Variants in CCL17 observed in about 807,000 individuals in gnomAD.
CCL17 encodes C-C motif chemokine ligand 17.
In CCL17, 8 loss-of-function variants were observed where a neutral mutation model predicts 7.4. The ratio of observed to expected loss-of-function variants is 1.09; its 90% confidence interval spans 0.64 to 1.96. The LOEUF (loss-of-function observed/expected upper bound fraction) is 1.96, where lower values mean the gene tolerates loss of function less well. Among genes scored for constraint, CCL17 ranks in the 30% most tolerant of loss-of-function variants. The probability of loss-of-function intolerance (pLI) is 0.00; values close to 1 mark genes in which losing one functional copy is unlikely to be tolerated. For synonymous variants in CCL17, 40 were observed against 46.1 expected (o/e 0.87, Z 0.54); for missense variants, 102 against 113.0 (o/e 0.90, Z 0.44).
upstream of CCL17, among the ~76,000 whole-genome samples, chr16:57,402,311 T>C (rs1169714937): frequency 6.6e-6 from 1 of 152,178 alleles, no homozygotes; most frequent in Non-Finnish European, 1.5e-5. Flanking sequence ...TTGCAGTGGC[T>C]GAGATTCCCA....
At chr16:57,407,222 G>C (rs1396660053) in intron 1 of CCL17, among the ~76,000 whole-genome samples, 1 of 152,166 alleles carries the variant, frequency 6.6e-6, no homozygotes, top group African/African-American at 2.4e-5. Context: ...TAAAGAGCTA[G>C]AAGATGGCAG....
rs759081657 is a variant in CCL17, at chr16:57,413,977, G to T, written c.45G>T (p.Gly15=). The T allele has an allele frequency of 1.2e-6, 2 of 1,611,710 alleles. No homozygotes were observed. Among genetic ancestry groups the T allele is most frequent in the South Asian group, 1.1e-5 (1 of 90,356 alleles). Residue 15 remains glycine, a synonymous_variant, in exon 2 of 4, where the codon GGG becomes GGT. Transcript: ENST00000219244. ...KMLALVTLLL[G]ASLQHIHAAR... is the part of the protein sequence containing the mutation. Reference sequence around the variant, plus strand: ...TGGCCCTGGTCACCCTCCTCCTGGGGGCTTCTCTGCAGCACATCCACGCAG... The same window carrying T: ...TGGCCCTGGTCACCCTCCTCCTGGGTGCTTCTCTGCAGCACATCCACGCAG...
upstream of CCL17, among the ~76,000 whole-genome samples, chr16:57,403,667 T>C (rs1356676074): frequency 1.7e-4 from 15 of 88,410 alleles, no homozygotes; most frequent in Admixed American, 2.4e-3. Context: ...TATATATATA[T>C]ATTTTTTGAG....
the CCL17 span, among the ~76,000 whole-genome samples, chr16:57,396,805 A>G: frequency 6.6e-6 from 1 of 152,208 alleles, no homozygotes; most frequent in South Asian, 2.1e-4. Context: ...TAGGTGCCCC[A>G]GGGGCAGTCC....
chr16:57,408,330 A>T (rs1902730419), intron 1 of CCL17, among the ~76,000 whole-genome samples: 1 of 151,938 alleles, frequency 6.6e-6, no homozygotes, highest in Admixed American at 6.6e-5. Flanking sequence ...CCATCCATTC[A>T]CTCATTTACC....
chr16:57,406,465 T>G (rs1446305183), intron 1 of CCL17, among the ~76,000 whole-genome samples: 1 of 152,276 alleles, frequency 6.6e-6, no homozygotes, highest in African/African-American at 2.4e-5. Flanking sequence ...CTGTAGAAAC[T>G]AATAGTTCTT....
chr16:57,404,392 A>T (rs1403595841), upstream of CCL17, among the ~76,000 whole-genome samples: 1 of 152,114 alleles, frequency 6.6e-6, no homozygotes, highest in African/African-American at 2.4e-5. Context: ...ACATGAGCTC[A>T]CCCAACAGAT....
At position 57,415,909 on chromosome 16, in the gene CCL17, C is replaced by CAGTAGTTGGT. The variant is rs1902862966; in HGVS notation, c.*48_*49insAGTAGTTGGT. ...GACTGTCTCCCGGGACTACCTGGGA[C>CAGTAGTTGGT]CTCCACCGTTGGTGTTCACCGCCCC... On this transcript the variant is annotated 3_prime_UTR_variant, in exon 4 of 4. Transcript: ENST00000219244. The surrounding 1 kb of genome is among the most constrained non-coding windows in gnomAD (Gnocchi z 4.5). 7.9e-7 allele frequency: 1 copy of CAGTAGTTGGT among 1,269,810 alleles called. No individual in the cohort carries two copies. Among genetic ancestry groups the CAGTAGTTGGT allele is most frequent in the Non-Finnish European group, 1.2e-6 (1 of 867,530 alleles). 78.7% of individuals were successfully genotyped at this position (1,269,810 alleles called of 1,614,324 possible).
upstream of CCL17, among the ~76,000 whole-genome samples, chr16:57,403,529 ATATATATTATAAAT>A (rs1902641593): frequency 2.4e-4 from 7 of 28,754 alleles, 1 homozygote; most frequent in African/African-American, 2.1e-3. Context: ...TATATATGTT[ATATATATTATAAAT>A]ATATATTTTA....
chr16:57,403,551 TTA>T (rs1201360923), upstream of CCL17, among the ~76,000 whole-genome samples: 1,343 of 31,802 alleles, frequency 0.042, 119 homozygotes, highest in African/African-American at 0.1. Context: ...AATATATATT[TTA>T]TATATATATA....
At chr16:57,414,139 C>A in intron 2 of CCL17, 137 bp downstream of exon 2, 2 of 589,514 alleles carry the variant, frequency 3.4e-6, no homozygotes, top group Non-Finnish European at 2.9e-6. Flanking sequence ...GAGAAGCCCA[C>A]AGCACTAGGA....
chr16:57,399,962 G>C (rs1036933037), upstream of CCL17, among the ~76,000 whole-genome samples: 2 of 152,152 alleles, frequency 1.3e-5, no homozygotes, highest in Non-Finnish European at 2.9e-5. Flanking sequence ...GACTTTAATC[G>C]AGTGCTGCAA....
chr16:57,401,559 G>C (rs185998548), upstream of CCL17, among the ~76,000 whole-genome samples: 252 of 151,808 alleles, frequency 1.7e-3, 1 homozygote, highest in African/African-American at 4.8e-3. Context: ...AAATGTGCAT[G>C]AACAATGCTA....
At chr16:57,414,793 C>G (rs2146542387) in intron 2 of CCL17, among the ~76,000 whole-genome samples, 1 of 152,190 alleles carries the variant, frequency 6.6e-6, no homozygotes, top group Admixed American at 6.5e-5. Flanking sequence ...CACAGAGACA[C>G]ACACGTAGGC....
intron 1 of CCL17, among the ~76,000 whole-genome samples, chr16:57,409,926 T>C (rs1902757086): frequency 6.6e-6 from 1 of 152,106 alleles, no homozygotes. Flanking sequence ...GTTTCAGCTG[T>C]CAGCGATGGA....
At chr16:57,412,314 C>A (rs1423768) in intron 1 of CCL17, among the ~76,000 whole-genome samples, 2 of 152,118 alleles carry the variant, frequency 1.3e-5, no homozygotes. Flanking sequence ...GCAGCCCTTG[C>A]TGAGGGGTGG....
rs778637241 is a variant in CCL17 at position 57,415,066 on chromosome 16, C to T, written c.71-15C>T. 2.9e-5 allele frequency: 45 copies of T among 1,575,504 alleles called. No individual in the cohort carries two copies. Among genetic ancestry groups the T allele is most frequent in the Admixed American group, 1.0e-4 (6 of 59,950 alleles). Reference sequence around the variant, plus strand: ...GACACTCACAGACACCCCTGCCCCGCTCCTCTCCCTGCAGCTCGAGGGACC... The same window carrying T: ...GACACTCACAGACACCCCTGCCCCGTTCCTCTCCCTGCAGCTCGAGGGACC... On this transcript the variant is annotated splice_polypyrimidine_tract_variant and intron_variant, in intron 2 of 3. Transcript: ENST00000219244. This position sits in a 1 kb window ranked among gnomAD's most constrained non-coding sequence, Gnocchi z 4.5.
upstream of CCL17, among the ~76,000 whole-genome samples, chr16:57,399,978 C>A (rs116116142): frequency 6.6e-3 from 999 of 152,248 alleles, 13 homozygotes; most frequent in African/African-American, 0.017. Context: ...TGCAACCAAG[C>A]AGATGGGAGC....
chr16:57,403,125 ATATAATATATATTATTATC>A (rs1902617007), upstream of CCL17, among the ~76,000 whole-genome samples: 2 of 106,182 alleles, frequency 1.9e-5, no homozygotes, highest in African/African-American at 3.7e-5. Context: ...TTTATAATAT[ATATAATATATATTATTATC>A]TATAATATAT....
Sources: allele counts gnomAD v4.1 joint callset (sites outside exome capture counted in the v4.1 genomes callset), GRCh38; gene constraint gnomAD v4.1.1; non-coding constraint Gnocchi (gnomAD v3.1); transcripts MANE v1.5; gene names NCBI Gene and HGNC (gene_info 2026-07-23, HGNC 2026-07-21).